The following DCC variants were observed in gnomAD, a reference collection of about 807,000 sequenced individuals.
DCC encodes DCC netrin 1 receptor.
Under a neutral mutation model 172.5 loss-of-function variants are expected in DCC, and 58 were observed. The observed-to-expected ratio is 0.34, with a 90% confidence interval of 0.27 to 0.42. The LOEUF (loss-of-function observed/expected upper bound fraction) is 0.42. Among genes scored for constraint, DCC ranks in the 10% least tolerant of loss-of-function variants. The pLI is 1.00. For missense variants in DCC, 1,740 were observed against 1,791.0 expected (o/e 0.97, Z 0.51); for synonymous variants, 709 against 644.5 (o/e 1.10, Z -1.52).
intron 1 of DCC, among the ~76,000 whole-genome samples, chr18:52,517,948 T>A (rs930004712): frequency 2.0e-5 from 3 of 152,198 alleles, no homozygotes; most frequent in African/African-American, 7.2e-5. Context: ...ATACCACAAT[T>A]TATTTTATTG....
chr18:53,354,068 C>T (rs2057847480), intron 15 of DCC, among the ~76,000 whole-genome samples: 1 of 152,152 alleles, frequency 6.6e-6, no homozygotes, highest in Non-Finnish European at 1.5e-5. Flanking sequence ...CAGTTTCATC[C>T]ATGTCCCTAC....
chr18:52,443,019 G>A (rs962191495), intron 1 of DCC, among the ~76,000 whole-genome samples: 2 of 149,760 alleles, frequency 1.3e-5, no homozygotes, highest in Non-Finnish European at 3.0e-5. Flanking sequence ...TTTTTTTTTA[G>A]CAGAAGTTGA....
At chr18:52,885,430 G>GCCA (rs1056466154) in intron 2 of DCC, among the ~76,000 whole-genome samples, 2 of 152,032 alleles carry the variant, frequency 1.3e-5, no homozygotes, top group Non-Finnish European at 2.9e-5. Flanking sequence ...TCTCCCTGTG[G>GCCA]CCACCACTAC....
In DCC at chr18:52,408,301, G is replaced by A. The variant is rs528515423; in HGVS notation, c.91+67423G>A. 3.0e-5 allele frequency among the ~76,000 whole-genome samples: 3 copies of A among 100,544 alleles called. No homozygotes were observed. In the South Asian group the frequency reaches 1.0e-3, roughly 34 times the overall value. 66.0% of individuals were successfully genotyped at this position (100,544 alleles called of 152,430 possible). ...CAGTTTTTTATATAAAATGTAGTTA[G>A]AAGACATTTTAATTTTTTTAAGCTT... On this transcript the variant is annotated intron_variant, in intron 1 of 28. Coordinates refer to ENST00000442544, the MANE Select transcript of DCC (RefSeq NM_005215.4).
At chr18:52,599,858 A>T (rs2144814411) in intron 1 of DCC, among the ~76,000 whole-genome samples, 1 of 152,244 alleles carries the variant, frequency 6.6e-6, no homozygotes, top group Non-Finnish European at 1.5e-5. Context: ...TTAGCTTGAT[A>T]ACCATATGAG....
chr18:52,551,777 C>T (rs892937679), intron 1 of DCC, among the ~76,000 whole-genome samples: 1 of 151,086 alleles, frequency 6.6e-6, no homozygotes, highest in African/African-American at 2.4e-5. Context: ...CACTTTGCAG[C>T]ATGAATTACT....
At position 53,027,794 on chromosome 18, in the gene DCC, C is replaced by T. The variant is rs922340494; in HGVS notation, c.986-35511C>T. Among the ~76,000 whole-genome samples the T allele has an allele frequency of 1.6e-4, 24 of 152,066 alleles. 1 individual carries two copies. In the East Asian group the frequency reaches 4.3e-3, roughly 27 times the overall value. On this transcript the variant is annotated intron_variant, in intron 5 of 28. Coordinates refer to ENST00000442544, the MANE Select transcript of DCC (RefSeq NM_005215.4). Reference sequence around the variant, plus strand: ...TCCTACTGATGTTAGCAATAACTTGCGTATAGTTTTGACGCACGTCAAGAG... The same window carrying T: ...TCCTACTGATGTTAGCAATAACTTGTGTATAGTTTTGACGCACGTCAAGAG...
chr18:53,491,843 G>A (rs187708786), intron 26 of DCC, among the ~76,000 whole-genome samples: 1 of 152,140 alleles, frequency 6.6e-6, no homozygotes, highest in Admixed American at 6.5e-5. Flanking sequence ...CATGATTCTG[G>A]GCCAAATGGT....
At chr18:52,975,528 T>C (rs1449598218) in intron 5 of DCC, among the ~76,000 whole-genome samples, 1 of 152,152 alleles carries the variant, frequency 6.6e-6, no homozygotes. Context: ...CACCCTCTGA[T>C]AGGCCCCAGT....
intron 1 of DCC, among the ~76,000 whole-genome samples, chr18:52,550,645 C>T (rs1196421473): frequency 1.3e-5 from 2 of 152,114 alleles, no homozygotes; most frequent in Non-Finnish European, 2.9e-5. Flanking sequence ...AAGATATAAA[C>T]TTTGTCTGCA....
intron 3 of DCC, among the ~76,000 whole-genome samples, chr18:52,912,043 A>C (rs574759601): frequency 6.6e-6 from 1 of 152,144 alleles, no homozygotes; most frequent in Admixed American, 6.6e-5. Context: ...ACATTGACTT[A>C]ACATTGACCA....
At chr18:52,951,841 T>A (rs925950125) in intron 5 of DCC, among the ~76,000 whole-genome samples, 1 of 152,238 alleles carries the variant, frequency 6.6e-6, no homozygotes. Context: ...ATTTGTGTTA[T>A]TATTACTAAT....
chr18:53,405,996 T>C (rs949792740), intron 19 of DCC, among the ~76,000 whole-genome samples: 17 of 152,194 alleles, frequency 1.1e-4, no homozygotes, highest in Non-Finnish European at 2.9e-5. Context: ...TTAATTCATA[T>C]GAGAAGGGAC....
intron 7 of DCC, among the ~76,000 whole-genome samples, chr18:53,084,649 C>T (rs994986194): frequency 2.0e-5 from 3 of 152,126 alleles, no homozygotes; most frequent in Non-Finnish European, 4.4e-5. Flanking sequence ...TGTGGGTGGA[C>T]AGCCTCTTTA....
rs578099979 is a variant in DCC, at chr18:53,198,947, C to G, written c.1574-6269C>G. On this transcript the variant is annotated intron_variant, in intron 9 of 28. Coordinates refer to ENST00000442544, the MANE Select transcript of DCC (RefSeq NM_005215.4). ...CAGTGAGGAATATTAAAGACATCTT[C>G]GAAATGATGAGCAGTTAAGCCCATT... 1.3e-5 allele frequency among the ~76,000 whole-genome samples: 2 copies of G among 152,144 alleles called. 1 individual carries two copies. Among genetic ancestry groups the G allele is most frequent in the South Asian group, 4.1e-4 (2 of 4,828 alleles).
intron 5 of DCC, among the ~76,000 whole-genome samples, chr18:52,976,968 T>C (rs1193393433): frequency 6.6e-6 from 1 of 152,184 alleles, no homozygotes; most frequent in Non-Finnish European, 1.5e-5. Flanking sequence ...ATTCATGCGA[T>C]AAATTGTTAA....
chr18:52,375,823 G>C (rs1381850117), intron 1 of DCC, among the ~76,000 whole-genome samples: 1 of 152,180 alleles, frequency 6.6e-6, no homozygotes, highest in East Asian at 1.9e-4. Context: ...GTGTTTCTGG[G>C]AATACTGGGA....
At chr18:52,661,830 A>C (rs1442479571) in intron 1 of DCC, among the ~76,000 whole-genome samples, 1 of 152,260 alleles carries the variant, frequency 6.6e-6, no homozygotes, top group Admixed American at 6.5e-5. Flanking sequence ...ATAAAACATA[A>C]CTTTAATATT....
chr18:52,721,780 T>C (rs1207758050), intron 1 of DCC, among the ~76,000 whole-genome samples: 1 of 152,160 alleles, frequency 6.6e-6, no homozygotes, highest in Non-Finnish European at 1.5e-5. Context: ...ATCTGAACAC[T>C]TTGGGATGCC....
Sources: allele counts gnomAD v4.1 joint callset (sites outside exome capture counted in the v4.1 genomes callset), GRCh38; gene constraint gnomAD v4.1.1; transcripts MANE v1.5; gene names NCBI Gene and HGNC (gene_info 2026-07-23, HGNC 2026-07-21).